Variants in OTUD3 observed in about 807,000 individuals in gnomAD.
OTUD3 encodes OTU domain-containing protein 3.
In OTUD3, 24 loss-of-function variants were observed where a neutral mutation model predicts 46.2. The ratio of observed to expected loss-of-function variants is 0.52; its 90% CI spans 0.38 to 0.73. OTUD3 has a LOEUF of 0.73. OTUD3 is among the 30% of genes least tolerant of loss of function. The pLI, the probability that OTUD3 is intolerant of heterozygous loss-of-function variation, is 0.00. For synonymous variants in OTUD3, 189 were observed against 195.4 expected, an observed-to-expected ratio of 0.97 and a Z score of 0.27; for missense variants, 455 against 523.3, an observed-to-expected ratio of 0.87 and a Z score of 1.27.
At chr1:19,887,234 G>A (rs1342299390) in intron 1 of OTUD3, among the ~76,000 whole-genome samples, 7 of 151,972 alleles carry the variant, frequency 4.6e-5, no homozygotes, top group African/African-American at 4.8e-5. Context: ...ACAGGCATGC[G>A]CCACCATACC....
At chr1:19,898,516 G>A (rs1393402378) in intron 4 of OTUD3, among the ~76,000 whole-genome samples, 1 of 151,628 alleles carries the variant, frequency 6.6e-6, no homozygotes, top group East Asian at 2.0e-4. Flanking sequence ...ATCACCTGAG[G>A]TCGGGAGTTC....
chr1:19,897,507 C>G (rs1443800925), intron 3 of OTUD3, 33 bp from the exon 4 acceptor site: 2 of 1,611,212 alleles, frequency 1.2e-6, no homozygotes, highest in East Asian at 2.2e-5. Flanking sequence ...GTGTTCAGAT[C>G]CTCACTGGCA....
At chr1:19,883,707 C>T (rs2045312615) in intron 1 of OTUD3, among the ~76,000 whole-genome samples, 3 of 152,138 alleles carry the variant, frequency 2.0e-5, no homozygotes, top group African/African-American at 4.8e-5. Context: ...TCTCGAACTC[C>T]TGGCTTCAAG....
intron 3 of OTUD3, among the ~76,000 whole-genome samples, chr1:19,895,678 G>C (rs1344196717): frequency 6.6e-6 from 1 of 152,152 alleles, no homozygotes; most frequent in African/African-American, 2.4e-5. Context: ...GCAGTGTTGC[G>C]GATGTCCTGA....
At chr1:19,883,445 C>A (rs938852196) in intron 1 of OTUD3, among the ~76,000 whole-genome samples, 3 of 152,158 alleles carry the variant, frequency 2.0e-5, no homozygotes, top group African/African-American at 7.2e-5. Flanking sequence ...GGAAAAGGGT[C>A]AGGAAGAGGG....
Position 19,882,412 on chromosome 1 carries a change from G to A in OTUD3, c.-102G>A. The A allele has an allele frequency of 3.1e-6, 4 of 1,298,424 alleles. No individual in the cohort carries two copies. In the South Asian group the frequency reaches 6.9e-5, roughly 22 times the overall value. The allele number at this position is 1,298,424 out of a possible 1,614,324, so 80.4% of individuals were successfully genotyped here. ...GCGCGGTTGCTGCGTAGTCGTCGCC[G>A]GGCTCCGTTGCCCGCGCTGTTTTAC... On this transcript the variant is annotated 5_prime_UTR_variant, in exon 1 of 8. Transcript: ENST00000375120.
chr1:19,899,624 T>G (rs1348561820), intron 4 of OTUD3, among the ~76,000 whole-genome samples: 1 of 152,222 alleles, frequency 6.6e-6, no homozygotes, highest in Non-Finnish European at 1.5e-5. Context: ...GACACATTCC[T>G]AGAAGGTCCT....
rs1000642814 is a variant in OTUD3 at position 19,906,347 on chromosome 1, C to G, written c.836-85C>G. The G allele has an allele frequency of 1.0e-5, 12 of 1,189,648 alleles. No individual in the cohort carries two copies. The African/African-American group carries it at 1.7e-4, about 17-fold the overall frequency. 73.7% of individuals were successfully genotyped at this position (1,189,648 alleles called of 1,614,324 possible). A position where few individuals can be genotyped will look rare whatever the true frequency, so the allele number is the denominator to read the frequency against. ...TTCCCTTATGACTGAAGTAGGGACC[C>G]AGGTAATTTTGGAATCATTAATACA... On this transcript the variant is annotated intron_variant, in intron 6 of 7. Transcript: ENST00000375120.
At chr1:19,898,914 G>A (rs1295804196) in intron 4 of OTUD3, among the ~76,000 whole-genome samples, 3 of 152,062 alleles carry the variant, frequency 2.0e-5, no homozygotes, top group Non-Finnish European at 2.9e-5. Context: ...GGACTCCAGC[G>A]ATCTTCCCAC....
chr1:19,901,925 A>G (rs1056953473), intron 4 of OTUD3, among the ~76,000 whole-genome samples: 1 of 152,192 alleles, frequency 6.6e-6, no homozygotes, highest in African/African-American at 2.4e-5. Flanking sequence ...GTTAATGAGC[A>G]TTTAGGTTGT....
chr1:19,890,294 T>C, intron 1 of OTUD3, 91 bp from the exon 2 acceptor site: 1 of 1,309,964 alleles, frequency 7.6e-7, no homozygotes. Context: ...GCACAAAATA[T>C]TTCCATGGAT....
chr1:19,894,338 A>G, intron 2 of OTUD3, 30 bp from the exon 3 acceptor site: 1 of 1,311,384 alleles, frequency 7.6e-7, no homozygotes, highest in Non-Finnish European at 1.1e-6. Flanking sequence ...CACTATAAAG[A>G]CGTCATTTTT....
chr1:19,900,606 C>G (rs935836232), intron 4 of OTUD3, among the ~76,000 whole-genome samples: 1 of 152,038 alleles, frequency 6.6e-6, no homozygotes, highest in African/African-American at 2.4e-5. Flanking sequence ...CTAGTTGTAC[C>G]CAAACCATTG....
At chr1:19,883,589 C>T (rs2045307296) in intron 1 of OTUD3, among the ~76,000 whole-genome samples, 1 of 152,038 alleles carries the variant, frequency 6.6e-6, no homozygotes, top group Non-Finnish European at 1.5e-5. Flanking sequence ...GTGCTCAGAT[C>T]CTGCAGAGGG....
intron 2 of OTUD3, among the ~76,000 whole-genome samples, chr1:19,891,438 A>G (rs61769071): frequency 0.076 from 11,588 of 152,244 alleles, 605 homozygotes; most frequent in African/African-American, 0.15. Context: ...AGGCCATGCC[A>G]AGAATGGATG....
intron 3 of OTUD3, among the ~76,000 whole-genome samples, chr1:19,896,708 A>G (rs1055257249): frequency 6.6e-6 from 1 of 152,208 alleles, no homozygotes; most frequent in Admixed American, 6.5e-5. Flanking sequence ...AAACAAAGGA[A>G]CCATTACTGG....
intron 4 of OTUD3, 33 bp downstream of exon 4, chr1:19,897,695 C>A (rs754565058): frequency 9.3e-6 from 15 of 1,605,400 alleles, no homozygotes; most frequent in Non-Finnish European, 1.3e-5. Context: ...CCCGTATTCC[C>A]CGCCCTACAG....
At chr1:19,883,292 A>G (rs1354882281) in intron 1 of OTUD3, among the ~76,000 whole-genome samples, 2 of 152,160 alleles carry the variant, frequency 1.3e-5, no homozygotes, top group Admixed American at 1.3e-4. Flanking sequence ...TCTGTAAGCA[A>G]AGGTGCTTCC....
chr1:19,887,984 C>G (rs1179617381), intron 1 of OTUD3, among the ~76,000 whole-genome samples: 1 of 152,144 alleles, frequency 6.6e-6, no homozygotes, highest in Admixed American at 6.5e-5. Flanking sequence ...TTTGCGTGCT[C>G]TTTATGTAAT....
Sources: gnomAD v4.1 joint callset for allele counts (sites outside exome capture counted in the v4.1 genomes callset) on GRCh38, gnomAD v4.1.1 for gene constraint, MANE v1.5 for transcripts, NCBI Gene and HGNC (gene_info 2026-07-23, HGNC 2026-07-21) for gene names.